The following PVALEF variants were observed in gnomAD, a reference collection of about 807,000 sequenced individuals.
PVALEF encodes parvalbumin-like EF-hand-containing protein.
PVALEF carries 2 observed loss-of-function variants against 1.2 expected under a neutral mutation model. That is an observed-to-expected ratio of 1.68 (90% confidence interval 0.69 to 5.28). PVALEF has a LOEUF of 5.28. PVALEF is among the 30% of genes most tolerant of loss of function. PVALEF has a pLI of 0.06. For missense variants in PVALEF, 35 were observed against 17.7 expected, an observed-to-expected ratio of 1.97 and a Z score of -1.75; for synonymous variants, 16 against 6.5, an observed-to-expected ratio of 2.47 and a Z score of -2.24.
At chr17:81,169,163 G>A (rs1044897685) in intron 2 of PVALEF, among the ~76,000 whole-genome samples, 5 of 152,226 alleles carry the variant, frequency 3.3e-5, no homozygotes, top group African/African-American at 1.2e-4. Flanking sequence ...GGGGCACAGG[G>A]CGTCTTCCTG....
intron 2 of PVALEF, among the ~76,000 whole-genome samples, chr17:81,174,901 A>G (rs2061531848): frequency 2.0e-5 from 3 of 151,198 alleles, no homozygotes; most frequent in Non-Finnish European, 1.5e-5. Context: ...GTGAGCAGAG[A>G]TCACGCCACT....
At chr17:81,174,160 A>G (rs1480423531) in intron 2 of PVALEF, among the ~76,000 whole-genome samples, 1 of 152,148 alleles carries the variant, frequency 6.6e-6, no homozygotes, top group Non-Finnish European at 1.5e-5. Context: ...TGGTGATAAA[A>G]ACCATCCATG....
intron 2 of PVALEF, among the ~76,000 whole-genome samples, chr17:81,170,130 GTGT>G (rs920600947): frequency 2.0e-4 from 30 of 148,668 alleles, no homozygotes; most frequent in African/African-American, 7.7e-4. Flanking sequence ...AGGCATGTGT[GTGT>G]TGGTGTGGAT....
intron 2 of PVALEF, among the ~76,000 whole-genome samples, chr17:81,168,814 G>A (rs1451172404): frequency 6.6e-6 from 1 of 152,160 alleles, no homozygotes; most frequent in East Asian, 1.9e-4. Flanking sequence ...GGGGATTAGA[G>A]ACCAGAGTGA....
At chr17:81,171,274 A>G (rs1598247432) in intron 2 of PVALEF, among the ~76,000 whole-genome samples, 1 of 152,120 alleles carries the variant, frequency 6.6e-6, no homozygotes, top group South Asian at 2.1e-4. Flanking sequence ...GGGACAGGCC[A>G]TCTGTCAGCT....
chr17:81,166,269 G>GC (rs1199341387), intron 1 of PVALEF, among the ~76,000 whole-genome samples: 2 of 121,654 alleles, frequency 1.6e-5, no homozygotes, highest in Non-Finnish European at 3.6e-5. Flanking sequence ...GGAGGGGGGG[G>GC]CCCTCCGCGG....
At chr17:81,172,505 T>C (rs12449393) in intron 2 of PVALEF, among the ~76,000 whole-genome samples, 13,880 of 152,202 alleles carry the variant, frequency 0.091, 828 homozygotes, top group East Asian at 0.17. Context: ...GGGCCAGGCG[T>C]GGCAGCTCAT....
In PVALEF at chr17:81,181,614, C is replaced by G. The variant is rs977045088; in HGVS notation, c.162C>G (p.Gly54=). ...FKHIRKLHAS[G]QLDDAIHTAF... ...ACATCCGCAAGCTCCACGCCTCGGG[C>G]CAGCTGGACGACGCCATCCACACGG... The change falls in exon 5 of 7, where the codon GGC becomes GGG. Residue 54 remains glycine (G), a synonymous_variant. Coordinates refer to ENST00000637878, the MANE Select transcript of PVALEF (RefSeq NM_001354639.2). 4.7e-6 allele frequency: 2 copies of G among 422,716 alleles called. No individual in the cohort carries two copies. Among genetic ancestry groups the G allele is most frequent in the Admixed American group, 4.3e-5 (1 of 23,168 alleles). 26.2% of individuals were successfully genotyped at this position (422,716 alleles called of 1,614,324 possible).
At chr17:81,169,895 T>C (rs890259574) in intron 2 of PVALEF, among the ~76,000 whole-genome samples, 2 of 151,840 alleles carry the variant, frequency 1.3e-5, no homozygotes, top group African/African-American at 4.8e-5. Flanking sequence ...CATATGTGCA[T>C]AGAGGTAGGT....
At chr17:81,178,215 C>T (rs762427730) in intron 2 of PVALEF, among the ~76,000 whole-genome samples, 2 of 152,188 alleles carry the variant, frequency 1.3e-5, no homozygotes, top group Non-Finnish European at 2.9e-5. Context: ...AATACCCTCC[C>T]ACCTCCAACA....
At chr17:81,168,611 C>T (rs955611501) in intron 2 of PVALEF, among the ~76,000 whole-genome samples, 6 of 152,174 alleles carry the variant, frequency 3.9e-5, no homozygotes, top group African/African-American at 1.4e-4. Context: ...ATCCCCCGGC[C>T]TGGGGGAAGG....
intron 2 of PVALEF, among the ~76,000 whole-genome samples, chr17:81,172,332 C>T (rs1436401570): frequency 1.3e-5 from 2 of 152,222 alleles, no homozygotes; most frequent in African/African-American, 4.8e-5. Context: ...GGACCATGGA[C>T]TCTTCCACCT....
intron 2 of PVALEF, among the ~76,000 whole-genome samples, chr17:81,170,543 A>AC (rs1451778339): frequency 6.6e-6 from 1 of 151,900 alleles, no homozygotes; most frequent in African/African-American, 2.4e-5. Context: ...ACACAATTCA[A>AC]CCCCCGATGG....
chr17:81,177,174 G>A (rs142302803), intron 2 of PVALEF, among the ~76,000 whole-genome samples: 4,172 of 131,862 alleles, frequency 0.032, 78 homozygotes, highest in Non-Finnish European at 0.045. Context: ...TGATCCACTC[G>A]CCTCGGCCTC....
chr17:81,181,735 C>T (rs2061554952), intron 5 of PVALEF, 41 bp downstream of exon 5: 1 of 399,282 alleles, frequency 2.5e-6, no homozygotes, highest in Non-Finnish European at 4.4e-6. Flanking sequence ...CCCAGGCCAC[C>T]CAGACCACGC....
intron 3 of PVALEF, among the ~76,000 whole-genome samples, chr17:81,180,290 G>A (rs1355585804): frequency 6.6e-6 from 1 of 152,210 alleles, no homozygotes; most frequent in East Asian, 1.9e-4. Flanking sequence ...TGTAAAGGAG[G>A]TGACATTGGG....
At chr17:81,176,483 G>A (rs1393587297) in intron 2 of PVALEF, among the ~76,000 whole-genome samples, 3 of 151,848 alleles carry the variant, frequency 2.0e-5, no homozygotes, top group African/African-American at 7.3e-5. Context: ...ATGCCACTGC[G>A]CTCCAGCCTG....
chr17:81,167,070 G>A (rs1598244347), intron 2 of PVALEF, among the ~76,000 whole-genome samples: 1 of 152,332 alleles, frequency 6.6e-6, no homozygotes, highest in East Asian at 1.9e-4. Flanking sequence ...GGGCAGGCGG[G>A]TGGCTTGTGC....
intron 2 of PVALEF, among the ~76,000 whole-genome samples, chr17:81,169,624 T>C (rs1329250373): frequency 1.3e-5 from 2 of 152,054 alleles, no homozygotes; most frequent in Admixed American, 1.3e-4. Flanking sequence ...CTCCAGATGC[T>C]CCAGGGGAGG....
Sources: gnomAD v4.1 joint callset for allele counts (sites outside exome capture counted in the v4.1 genomes callset) on GRCh38, gnomAD v4.1.1 for gene constraint, MANE v1.5 for transcripts, NCBI Gene and HGNC (gene_info 2026-07-23, HGNC 2026-07-21) for gene names.